The following LRBA variants were observed in gnomAD, a reference collection of about 807,000 sequenced individuals.
LRBA encodes lipopolysaccharide-responsive and beige-like anchor protein.
LRBA carries 176 observed loss-of-function variants against 330.0 expected under a neutral mutation model. That is an observed-to-expected ratio of 0.53 (90% CI 0.47 to 0.60). The LOEUF (loss-of-function observed/expected upper bound fraction) is 0.60. Among genes scored for constraint, LRBA ranks in the 20% least tolerant of loss-of-function variants. LRBA has a pLI of 0.00. For synonymous variants in LRBA, 1,230 were observed against 1,193.0 expected (o/e 1.03, Z -0.64); for missense variants, 3,259 against 3,444.8 (o/e 0.95, Z 1.35).
intron 42 of LRBA, among the ~76,000 whole-genome samples, chr4:150,481,075 A>G (rs1337042826): frequency 6.6e-6 from 1 of 152,178 alleles, no homozygotes; most frequent in African/African-American, 2.4e-5. Context: ...TCCACATATG[A>G]GTGAGAACAC....
chr4:150,947,293 A>G (rs892000861), intron 2 of LRBA, among the ~76,000 whole-genome samples: 1 of 151,762 alleles, frequency 6.6e-6, no homozygotes, highest in Non-Finnish European at 1.5e-5. Flanking sequence ...TTAACAAAAA[A>G]TTAGCAAGTA....
intron 36 of LRBA, 21 bp downstream of exon 36, chr4:150,735,237 C>G (rs1731032828): frequency 1.9e-6 from 3 of 1,555,634 alleles, no homozygotes; most frequent in Non-Finnish European, 2.7e-6. Context: ...CTTCCGCACA[C>G]CAACCATATG....
rs566591599 is a variant in LRBA at position 150,852,994 on chromosome 4, G to T, written c.2767-51C>A. ...AAAATATGCATGAGAAATGAAGACA[G>T]AATACAAAATATAAAACTAAATAAT... On this transcript the variant is annotated intron_variant, in intron 22 of 56. Coordinates refer to ENST00000651943, the MANE Select transcript of LRBA (RefSeq NM_001364905.1). 4.8e-6 allele frequency: 5 copies of T among 1,049,384 alleles called. No individual in the cohort carries two copies. The South Asian group carries it at 8.4e-5, about 18-fold the overall frequency. The allele number at this position is 1,049,384 out of a possible 1,614,324, so 65.0% of individuals were successfully genotyped here.
chr4:150,471,144 T>C (rs1250157680), intron 43 of LRBA, among the ~76,000 whole-genome samples: 2 of 152,186 alleles, frequency 1.3e-5, no homozygotes, highest in African/African-American at 2.4e-5. Context: ...AGTATATACA[T>C]AGATATACAA....
rs557126572 is a variant in LRBA at position 150,386,680 on chromosome 4, A to G, written c.7194+28758T>C. 2.0e-5 allele frequency among the ~76,000 whole-genome samples: 3 copies of G among 152,248 alleles called. No homozygotes were observed. The East Asian group carries it at 5.8e-4, about 29-fold the overall frequency. On this transcript the variant is annotated intron_variant, in intron 47 of 56. Coordinates refer to ENST00000651943, the MANE Select transcript of LRBA (RefSeq NM_001364905.1). ...TCCAGTCTATCAGTGATGGGCATTT[A>G]GGTTGATTCCATGCCTTTGCTATTG... is the stretch of plus-strand genomic sequence containing the variant.
intron 37 of LRBA, among the ~76,000 whole-genome samples, chr4:150,618,848 G>GTATATATATATATATATATATATA (rs34589903): frequency 6.8e-6 from 1 of 146,208 alleles, no homozygotes; most frequent in African/African-American, 2.5e-5. Context: ...ATGTGTGTAT[G>GTATATATATATATATATATATATA]TATATATATA....
At chr4:150,443,328 C>T (rs1247817636) in intron 44 of LRBA, among the ~76,000 whole-genome samples, 1 of 152,124 alleles carries the variant, frequency 6.6e-6, no homozygotes, top group African/African-American at 2.4e-5. Context: ...TACCATTTGA[C>T]CCAGCCATCC....
At chr4:150,504,916 G>A (rs1233514272) in intron 40 of LRBA, among the ~76,000 whole-genome samples, 1 of 151,998 alleles carries the variant, frequency 6.6e-6, no homozygotes, top group Non-Finnish European at 1.5e-5. Flanking sequence ...AAAAGGCAGG[G>A]GTTGCAATCC....
chr4:150,669,587 T>C (rs1781866674), intron 37 of LRBA, among the ~76,000 whole-genome samples: 1 of 152,026 alleles, frequency 6.6e-6, no homozygotes, highest in Non-Finnish European at 1.5e-5. Context: ...TCTTTTTTTT[T>C]TTCCCTCTGG....
At chr4:150,472,407 C>T (rs1756244314) in intron 42 of LRBA, among the ~76,000 whole-genome samples, 1 of 151,904 alleles carries the variant, frequency 6.6e-6, no homozygotes, top group Admixed American at 6.6e-5. Flanking sequence ...GTTCTTTCTA[C>T]CACAAAAAAC....
At chr4:150,544,129 T>A (rs577626193) in intron 40 of LRBA, among the ~76,000 whole-genome samples, 56 of 147,210 alleles carry the variant, frequency 3.8e-4, no homozygotes, top group Admixed American at 1.4e-3. Context: ...CTTCCTTTCT[T>A]TTTTTTTTTT....
In LRBA at chr4:150,506,890, T is replaced by C. The variant is rs1228166730; in HGVS notation, c.6331-15855A>G. On this transcript the variant is annotated intron_variant, in intron 40 of 56. Coordinates refer to ENST00000651943, the MANE Select transcript of LRBA (RefSeq NM_001364905.1). ...GCAACTTCAGCAAAGTCTCAGGATA[T>C]AAAATCAATGGCAAAAATCACAAGC... 2.4e-4 allele frequency among the ~76,000 whole-genome samples: 37 copies of C among 152,216 alleles called. No individual in the cohort carries two copies. In the East Asian group the frequency reaches 5.6e-3, roughly 23 times the overall value.
chr4:150,613,047 C>T (rs930185752), intron 37 of LRBA, among the ~76,000 whole-genome samples: 5 of 151,946 alleles, frequency 3.3e-5, no homozygotes, highest in Non-Finnish European at 5.9e-5. Context: ...CTCATTTAGC[C>T]GGTCCAATAG....
chr4:150,652,123 A>G (rs536393910), intron 37 of LRBA, among the ~76,000 whole-genome samples: 9 of 152,324 alleles, frequency 5.9e-5, no homozygotes, highest in Non-Finnish European at 8.8e-5. Context: ...GGTGTGAGCC[A>G]CTACGCGGGG....
chr4:150,739,232 T>A (rs959944128), intron 35 of LRBA, among the ~76,000 whole-genome samples: 2 of 152,198 alleles, frequency 1.3e-5, no homozygotes, highest in African/African-American at 4.8e-5. Context: ...TATGGCCTAC[T>A]ACCAGATATA....
At chr4:150,618,497 T>C (rs1357140380) in intron 37 of LRBA, among the ~76,000 whole-genome samples, 1 of 152,180 alleles carries the variant, frequency 6.6e-6, no homozygotes, top group Non-Finnish European at 1.5e-5. Context: ...GTTATTTGAG[T>C]TGTAGCTCTT....
intron 16 of LRBA, among the ~76,000 whole-genome samples, chr4:150,895,890 A>C (rs1004601714): frequency 9.9e-5 from 15 of 152,220 alleles, no homozygotes; most frequent in African/African-American, 3.4e-4. Flanking sequence ...ACTACTTTAC[A>C]GTCCCACCAA....
chr4:150,478,826 T>A (rs1403726291), intron 42 of LRBA, among the ~76,000 whole-genome samples: 1 of 152,182 alleles, frequency 6.6e-6, no homozygotes, highest in Non-Finnish European at 1.5e-5. Flanking sequence ...ACTCTACTAA[T>A]CACTACTACA....
At chr4:150,916,780 C>T (rs573251723) in intron 5 of LRBA, 42 bp from the exon 6 acceptor site, 2 of 1,473,106 alleles carry the variant, frequency 1.4e-6, no homozygotes, top group South Asian at 1.5e-5. Flanking sequence ...ACGTGAAAAC[C>T]TGTCTTATTA....
Sources: gnomAD v4.1 joint callset for allele counts (sites outside exome capture counted in the v4.1 genomes callset) on GRCh38, gnomAD v4.1.1 for gene constraint, MANE v1.5 for transcripts, NCBI Gene and HGNC (gene_info 2026-07-23, HGNC 2026-07-21) for gene names.